PRKG1: variants seen among roughly 807,000 people sequenced by gnomAD.
PRKG1 encodes the protein protein kinase cGMP-dependent 1, also known as cGMP-dependent protein kinase 1.
PRKG1 carries 35 observed loss-of-function variants against 88.1 expected under a neutral mutation model. The ratio of observed to expected loss-of-function variants is 0.40; its 90% CI spans 0.30 to 0.53. The LOEUF is 0.53. Among genes scored for constraint, PRKG1 ranks in the 20% least tolerant of loss-of-function variants. The pLI is 0.59. For missense variants in PRKG1, 540 were observed against 839.8 expected (o/e 0.64, Z 4.41); for synonymous variants, 303 against 292.5 (o/e 1.04, Z -0.37).
intron 3 of PRKG1, among the ~76,000 whole-genome samples, chr10:51,773,234 A>G (rs1020089471): frequency 6.6e-6 from 1 of 152,074 alleles, no homozygotes; most frequent in Non-Finnish European, 1.5e-5. Context: ...TCTCAGTTTA[A>G]TAAATCAATA....
In PRKG1 at chr10:51,467,625, T is replaced by G. The variant is rs375899756; in HGVS notation, c.479-98T>G. 7.6e-6 allele frequency: 7 copies of G among 919,966 alleles called. No homozygotes were observed. The African/African-American group carries it at 1.2e-4, about 15-fold the overall frequency. The allele number at this position is 919,966 out of a possible 1,614,324, so 57.0% of individuals were successfully genotyped here. ...CTTTGTTTTAATTGGTAACTGCATT[T>G]TTACAAATGAGCCTAACACTCCTCT... On this transcript the variant is annotated intron_variant, in intron 2 of 17. Transcript: ENST00000373980.
intron 8 of PRKG1, among the ~76,000 whole-genome samples, chr10:52,155,731 G>GAACACACACACACA (rs1838074402): frequency 3.7e-5 from 1 of 27,096 alleles, no homozygotes; most frequent in Non-Finnish European, 1.2e-4. Context: ...TATTGCCATT[G>GAACACACACACACA]GACACACACA....
chr10:52,257,453 A>G (rs1036794343), intron 10 of PRKG1, among the ~76,000 whole-genome samples: 2 of 140,446 alleles, frequency 1.4e-5, no homozygotes, highest in African/African-American at 4.9e-5. Flanking sequence ...ACCCCATGTA[A>G]GATGAAAACA....
intron 6 of PRKG1, among the ~76,000 whole-genome samples, chr10:52,057,733 G>A (rs1300281103): frequency 6.6e-6 from 1 of 152,008 alleles, no homozygotes; most frequent in Non-Finnish European, 1.5e-5. Flanking sequence ...GCTTCATAAA[G>A]TTAACAAGTA....
intron 2 of PRKG1, among the ~76,000 whole-genome samples, chr10:51,222,599 G>T (rs1470957839): frequency 2.6e-5 from 4 of 151,978 alleles, no homozygotes; most frequent in African/African-American, 9.7e-5. Context: ...AATAACTCTC[G>T]CCCAAAGTTT....
Position 51,208,433 on chromosome 10 carries a change from G to A in PRKG1, c.478+55103G>A, listed in dbSNP as rs546909933. 3.3e-4 allele frequency among the ~76,000 whole-genome samples: 50 copies of A among 152,252 alleles called. 1 individual carries two copies. The highest frequency in any genetic ancestry group is 2.5e-3 in the Admixed American group (38 of 15,288). ...TTCTAATTTTTCCCAAGTAGACCTG[G>A]ACTGAGGATTAGGTAAGCACAGCCC... On this transcript the variant is annotated intron_variant, in intron 2 of 17. Coordinates refer to ENST00000373980, the MANE Select transcript of PRKG1 (RefSeq NM_006258.4).
intron 4 of PRKG1, among the ~76,000 whole-genome samples, chr10:51,848,633 CTG>C (rs35222566): frequency 0.059 from 8,550 of 144,730 alleles, 552 homozygotes; most frequent in African/African-American, 0.16. Flanking sequence ...GTGTCTGTAT[CTG>C]TGTGTGTGTG....
rs181468792 is a variant in PRKG1, at chr10:52,275,284, A to G, written c.1403+2803A>G. Among the ~76,000 whole-genome samples the G allele has an allele frequency of 2.8e-3, 433 of 152,238 alleles. 1 individual carries two copies. Among genetic ancestry groups the G allele is most frequent in the African/African-American group, 0.01 (418 of 41,566 alleles). On this transcript the variant is annotated intron_variant, in intron 12 of 17. Transcript: ENST00000373980. ...GCCAATGTCTAGAAGGGTTTTTCCA[A>G]TGCTATCTTCTAGAATTTTAGTAGT...
chr10:52,290,734 T>G (rs1333508726), intron 17 of PRKG1, among the ~76,000 whole-genome samples: 1 of 151,944 alleles, frequency 6.6e-6, no homozygotes, highest in African/African-American at 2.4e-5. Context: ...TGTGCACCTA[T>G]AGTCCTAACT....
chr10:52,062,638 AGAT>A lies in PRKG1; in HGVS notation c.935+8_935+10del. On this transcript the variant is annotated splice_region_variant and intron_variant, in intron 7 of 17. Transcript: ENST00000373980. Reference sequence around the variant, plus strand: ...GAGAGAAAGCCTTGCAGGGGTAAGTAGATCATGTGTTATACAGGTTTTTGTTTG... The same window carrying A: ...GAGAGAAAGCCTTGCAGGGGTAAGTACATGTGTTATACAGGTTTTTGTTTG... The A allele has an allele frequency of 6.3e-7, 1 of 1,577,316 alleles. No individual in the cohort carries two copies. Among genetic ancestry groups the A allele is most frequent in the East Asian group, 2.2e-5 (1 of 44,646 alleles).
At chr10:51,840,474 C>T (rs1208137901) in intron 4 of PRKG1, among the ~76,000 whole-genome samples, 3 of 151,880 alleles carry the variant, frequency 2.0e-5, no homozygotes, top group African/African-American at 7.3e-5. Context: ...CAGAATACAA[C>T]TTTTGTTTTG....
chr10:52,189,964 C>T (rs1010159587), intron 9 of PRKG1, among the ~76,000 whole-genome samples: 1 of 152,138 alleles, frequency 6.6e-6, no homozygotes, highest in Non-Finnish European at 1.5e-5. Flanking sequence ...ATTGATAATC[C>T]TATAATCATC....
At chr10:52,085,756 A>G (rs1055683104) in intron 7 of PRKG1, among the ~76,000 whole-genome samples, 1 of 152,096 alleles carries the variant, frequency 6.6e-6, no homozygotes, top group African/African-American at 2.4e-5. Context: ...TTGTGTGTGT[A>G]TGTGTTCATC....
intron 5 of PRKG1, among the ~76,000 whole-genome samples, chr10:52,023,748 C>A (rs1052328649): frequency 7.2e-5 from 11 of 152,192 alleles, no homozygotes; most frequent in Non-Finnish European, 1.3e-4. Flanking sequence ...CCTTCGCTCA[C>A]TTTTTGATGG....
chr10:52,202,074 T>C (rs1342526851), intron 9 of PRKG1, among the ~76,000 whole-genome samples: 3 of 152,126 alleles, frequency 2.0e-5, no homozygotes, highest in Non-Finnish European at 4.4e-5. Context: ...CTGCTCTGGC[T>C]ATGAATTCCA....
intron 3 of PRKG1, among the ~76,000 whole-genome samples, chr10:51,549,403 C>G (rs889179920): frequency 1.7e-4 from 26 of 151,942 alleles, no homozygotes; most frequent in Non-Finnish European, 2.9e-4. Flanking sequence ...CTGGACTCCA[C>G]TAGACACCCT....
chr10:51,606,500 C>T (rs565277564), intron 3 of PRKG1, among the ~76,000 whole-genome samples: 2 of 152,148 alleles, frequency 1.3e-5, no homozygotes, highest in Non-Finnish European at 2.9e-5. Context: ...CAATTGAAGA[C>T]AGAGTAATTA....
At chr10:51,970,670 A>G (rs1020479535) in intron 5 of PRKG1, among the ~76,000 whole-genome samples, 5 of 147,006 alleles carry the variant, frequency 3.4e-5, no homozygotes, top group African/African-American at 1.2e-4. Flanking sequence ...CATATTGTAT[A>G]CATGATTAAT....
chr10:51,869,608 C>G (rs920889877), intron 4 of PRKG1, among the ~76,000 whole-genome samples: 3 of 151,802 alleles, frequency 2.0e-5, no homozygotes, highest in African/African-American at 7.3e-5. Context: ...GAACTATGTT[C>G]TAAGAGATAA....
Sources: allele counts gnomAD v4.1 joint callset (sites outside exome capture counted in the v4.1 genomes callset), GRCh38; gene constraint gnomAD v4.1.1; transcripts MANE v1.5; gene names NCBI Gene and HGNC (gene_info 2026-07-23, HGNC 2026-07-21).